Variants in GSG1 observed in about 807,000 individuals in gnomAD.
The protein encoded by GSG1 is germ cell associated 1, also known as germ cell-specific gene 1 protein.
A neutral mutation model predicts 30.8 loss-of-function variants in GSG1; 28 were observed. The observed-to-expected ratio is 0.91, with a 90% CI of 0.67 to 1.25. The LOEUF (loss-of-function observed/expected upper bound fraction) is 1.25, where lower values mean the gene tolerates loss of function less well. Ranked by LOEUF, GSG1 falls within the 50% of genes most tolerant of loss-of-function variation. The pLI is 0.00. For synonymous variants in GSG1, 162 were observed against 178.0 expected, an observed-to-expected ratio of 0.91 and a Z score of 0.71; for missense variants, 435 against 444.7, an observed-to-expected ratio of 0.98 and a Z score of 0.20.
chr12:13,087,359 CA>C, intron 5 of GSG1, 96 bp from the exon 6 acceptor site: 1 of 880,676 alleles, frequency 1.1e-6, no homozygotes, highest in Non-Finnish European at 1.9e-6. Context: ...CAGTCAGGCG[CA>C]GCCTCTGTTG....
chr12:13,084,859 G>A lies in GSG1; in HGVS notation c.*42C>T. ...GCACATGTTGATAATCAGCAGACGT[G>A]TAAGGTAGGGCTCAAGCCTACTCCC... On this transcript the variant is annotated 3_prime_UTR_variant, in exon 7 of 7. Transcript: ENST00000651961. 1.5e-6 allele frequency: 2 copies of A among 1,316,340 alleles called. No individual in the cohort carries two copies. Among genetic ancestry groups the A allele is most frequent in the Non-Finnish European group, 1.0e-6 (1 of 955,424 alleles). 81.5% of individuals were successfully genotyped at this position (1,316,340 alleles called of 1,614,324 possible). A position where few individuals can be genotyped will look rare whatever the true frequency, so the allele number is the denominator to read the frequency against.
intron 1 of GSG1, among the ~76,000 whole-genome samples, chr12:13,096,940 A>T (rs1451105545): frequency 6.6e-6 from 1 of 152,098 alleles, no homozygotes; most frequent in East Asian, 1.9e-4. Context: ...AATACAAAAA[A>T]ATTAGCCAGG....
At chr12:13,085,870 G>A (rs1865471658) in intron 6 of GSG1, among the ~76,000 whole-genome samples, 2 of 152,206 alleles carry the variant, frequency 1.3e-5, no homozygotes. Context: ...TGGAAACAGT[G>A]TGGTTTTGGC....
Position 13,090,556 on chromosome 12 carries a change from C to T in GSG1, c.311G>A (p.Arg104Gln), listed in dbSNP as rs140139872. The T allele has an allele frequency of 6.2e-4, 1,008 of 1,614,198 alleles. 9 individuals are homozygous for T. In the African/African-American group the frequency reaches 0.012, roughly 19 times the overall value. ...WETGDDRFSFRSFRSGMWLSC... is the reference protein window; with the variant it reads ...WETGDDRFSFQSFRSGMWLSC... ...TAGCCACATGCCACTCCGGAAGCTCCGGAAGGAGAACCGGTCATCCCCAGT... is the reference window on the plus strand; with the variant it reads ...TAGCCACATGCCACTCCGGAAGCTCTGGAAGGAGAACCGGTCATCCCCAGT... The change falls in exon 2 of 7, where the codon CGG becomes CAG. Residue 104 changes from arginine to glutamine, a missense_variant. Arg to Gln is a conservative substitution (Grantham distance 43). Coordinates refer to ENST00000651961, the MANE Select transcript of GSG1 (RefSeq NM_001080555.4).
At chr12:13,089,048 T>A in intron 3 of GSG1, 139 bp from the exon 4 acceptor site, 1 of 1,291,150 alleles carries the variant, frequency 7.7e-7, no homozygotes, top group East Asian at 2.5e-5. Flanking sequence ...CAGGAAAGAA[T>A]GCCTGGGTGA....
intron 1 of GSG1, among the ~76,000 whole-genome samples, chr12:13,102,390 T>C (rs551477437): frequency 6.6e-5 from 10 of 152,368 alleles, no homozygotes; most frequent in Admixed American, 5.2e-4. Flanking sequence ...ATATTCCCTC[T>C]GTGTCTCTCC....
In GSG1 at chr12:13,083,708, C is replaced by T. The variant is rs758021296; in HGVS notation, c.*1193G>A. ...CCCTCCCCCCACCCCATGACAGGCCCGGTGTGTGATGTTCCCCACCCTGTG... is the reference window on the plus strand; with the variant it reads ...CCCTCCCCCCACCCCATGACAGGCCTGGTGTGTGATGTTCCCCACCCTGTG... On this transcript the variant is annotated 3_prime_UTR_variant, in exon 7 of 7. Transcript: ENST00000651961. 1 of 125,042 alleles carries T rather than the reference C, an allele frequency of 8.0e-6. No homozygotes were observed. Among genetic ancestry groups the T allele is most frequent in the Non-Finnish European group, 1.6e-5 (1 of 61,130 alleles). 7.7% of individuals were successfully genotyped at this position (125,042 alleles called of 1,614,324 possible).
rs1324076788 is a variant in GSG1 at position 13,084,962 on chromosome 12, C to G, written c.1028G>C (p.Arg343Thr). 2 of 1,551,814 alleles carry G rather than the reference C, an allele frequency of 1.3e-6. No homozygotes were observed. The highest frequency in any genetic ancestry group is 2.4e-5 in the East Asian group (1 of 40,946). ...TTCTTTCAGCTCCTGGCTGGCCCCT[C>G]TTTGAAATCCCTTGTTCCGCAGCTC... ...YSELRNKGFQ[R>T]GASQELKEAV... The change falls in exon 7 of 7, where the codon AGA becomes ACA. Residue 343 changes from arginine to threonine, a missense_variant. Arg to Thr is a moderately conservative substitution (Grantham distance 71, BLOSUM62 -1). Transcript: ENST00000651961.
At chr12:13,103,209 A>G (rs545060327) in intron 1 of GSG1, among the ~76,000 whole-genome samples, 3 of 152,370 alleles carry the variant, frequency 2.0e-5, no homozygotes, top group African/African-American at 7.2e-5. Flanking sequence ...CAAGGGAAGA[A>G]GAAATGGAAG....
intron 1 of GSG1, among the ~76,000 whole-genome samples, chr12:13,098,170 G>A (rs995827453): frequency 1.3e-5 from 2 of 151,378 alleles, no homozygotes; most frequent in Non-Finnish European, 2.9e-5. Flanking sequence ...TTGCATTGGC[G>A]GTTGGTTTCC....
intron 3 of GSG1, 116 bp from the exon 4 acceptor site, chr12:13,089,025 T>C (rs980331473): frequency 1.3e-5 from 18 of 1,374,398 alleles, no homozygotes; most frequent in South Asian, 6.6e-5. Context: ...CTGCCCCGCA[T>C]AGAGCAGGAA....
At chr12:13,102,989 C>T (rs1385130107) in intron 1 of GSG1, among the ~76,000 whole-genome samples, 1 of 152,262 alleles carries the variant, frequency 6.6e-6, no homozygotes, top group African/African-American at 2.4e-5. Flanking sequence ...TGCCTTCCAG[C>T]AGGACCTTGG....
At chr12:13,088,086 C>G (rs769392025) in intron 4 of GSG1, 27 bp from the exon 5 acceptor site, 1 of 1,613,192 alleles carries the variant, frequency 6.2e-7, no homozygotes, top group Non-Finnish European at 8.5e-7. Flanking sequence ...GAAGAGGGAG[C>G]GCTCACCCTG....
At chr12:13,086,819 AAG>A (rs1183149922) in intron 6 of GSG1, among the ~76,000 whole-genome samples, 1 of 152,304 alleles carries the variant, frequency 6.6e-6, no homozygotes, top group East Asian at 1.9e-4. Flanking sequence ...AAGAAAAAAA[AAG>A]AGCACATTTC....
intron 1 of GSG1, among the ~76,000 whole-genome samples, chr12:13,100,158 TG>T (rs1254479534): frequency 2.0e-5 from 3 of 152,134 alleles, no homozygotes; most frequent in African/African-American, 7.2e-5. Flanking sequence ...AATGAATGAA[TG>T]AATGAATGAG....
In GSG1 at chr12:13,103,433, T is replaced by A. The variant is rs1863361504; in HGVS notation, c.48+32A>T. On this transcript the variant is annotated intron_variant, in intron 1 of 6. Coordinates refer to ENST00000651961, the MANE Select transcript of GSG1 (RefSeq NM_001080555.4). ...CAGCAGTAAAGATATGTGTATGAGA[T>A]GTTCATGAGATTTCAAAATCACTGT... The A allele has an allele frequency of 2.0e-6, 3 of 1,496,338 alleles. No homozygotes were observed. In the East Asian group the frequency reaches 6.8e-5, roughly 34 times the overall value. The allele number at this position is 1,496,338 out of a possible 1,614,324, so 92.7% of individuals were successfully genotyped here.
Position 13,090,681 on chromosome 12 carries a change from C to T in GSG1, c.186G>A (p.Leu62=), listed in dbSNP as rs781529175. The T allele has an allele frequency of 6.8e-6, 11 of 1,614,242 alleles. No homozygotes were observed. The South Asian group carries it at 1.2e-4, about 18-fold the overall frequency. The part of the protein sequence containing the change: ...FVGTQKVPKP[L]CEKGLAAKCF... ...ACTTGGCTGCCAGACCTTTCTCGCA[C>T]AGGGGCTTGGGCACCTTCTGTGTGC... Residue 62 remains leucine, a synonymous_variant, in exon 2 of 7, where the codon CTG becomes CTA. Coordinates refer to ENST00000651961, the MANE Select transcript of GSG1 (RefSeq NM_001080555.4).
Position 13,101,219 on chromosome 12 carries a change from C to A in GSG1, c.48+2246G>T, listed in dbSNP as rs976663558. ...TAACGGGTGGGGCCTCTCGGGGGTGCCTGGGCCGCGCCATCTCCACTTCCG... is the reference window on the plus strand; with the variant it reads ...TAACGGGTGGGGCCTCTCGGGGGTGACTGGGCCGCGCCATCTCCACTTCCG... On this transcript the variant is annotated intron_variant, in intron 1 of 6. Transcript: ENST00000651961. This position sits in a 1 kb window ranked among gnomAD's most constrained non-coding sequence, Gnocchi z 5.8. Among the ~76,000 whole-genome samples, 1 of 151,772 alleles carries A rather than the reference C, an allele frequency of 6.6e-6. No individual in the cohort carries two copies.
Position 13,089,250 on chromosome 12 carries a change from G to A in GSG1, c.391C>T (p.Gln131Ter). Reference protein sequence around the residue: ...PALLHPQSWKQFRALRSSGTA... With the variant: ...PALLHPQSWK ...CCACTGGACCGAAGGGCTCTAAATT[G>A]TTTCCAGGACTGGGGATGGAGCAGT... The change falls in exon 3 of 7, where the codon CAA becomes TAA. Residue 131 changes from glutamine to a stop codon, truncating the protein, a stop_gained. Transcript: ENST00000651961. LOFTEE classifies it high-confidence loss of function. 1.3e-6 allele frequency: 2 copies of A among 1,558,038 alleles called. No individual in the cohort carries two copies. Among genetic ancestry groups the A allele is most frequent in the Non-Finnish European group, 1.7e-6 (2 of 1,150,400 alleles).
Sources: gnomAD v4.1 joint callset for allele counts (sites outside exome capture counted in the v4.1 genomes callset) on GRCh38, gnomAD v4.1.1 for gene constraint, Gnocchi (gnomAD v3.1) non-coding constraint, MANE v1.5 for transcripts, NCBI Gene and HGNC (gene_info 2026-07-23, HGNC 2026-07-21) for gene names.